The following KCNH5 variants were observed in gnomAD, a reference collection of about 807,000 sequenced individuals.
KCNH5 encodes potassium voltage-gated channel subfamily H member 5.
KCNH5 carries 46 observed loss-of-function variants against 96.1 expected under a neutral mutation model. The ratio of observed to expected loss-of-function variants is 0.48; its 90% CI spans 0.38 to 0.61. KCNH5 has a LOEUF of 0.61. Ranked by LOEUF, KCNH5 falls within the 20% of genes least tolerant of loss-of-function variation. The pLI is 0.00. For synonymous variants in KCNH5, 439 were observed against 449.8 expected (o/e 0.98, Z 0.30); for missense variants, 907 against 1,225.8 (o/e 0.74, Z 3.88).
At position 62,905,085 on chromosome 14, in the gene KCNH5, C is replaced by T. The variant is rs138759311; in HGVS notation, c.1369+45048G>A. Among the ~76,000 whole-genome samples, 75 of 152,310 alleles carry T rather than the reference C, an allele frequency of 4.9e-4. 1 individual carries two copies. Among genetic ancestry groups the T allele is most frequent in the East Asian group, 9.7e-4 (5 of 5,178 alleles). ...GAGACTTTGAAAAGTCACCAAGCCA[C>T]GCTTCAGGTTCTGATGGCATTATAC... On this transcript the variant is annotated intron_variant, in intron 7 of 10. Coordinates refer to ENST00000322893, the MANE Select transcript of KCNH5 (RefSeq NM_139318.5).
chr14:62,890,698 C>CAA (rs1277209731), intron 7 of KCNH5, among the ~76,000 whole-genome samples: 76 of 55,222 alleles, frequency 1.4e-3, no homozygotes, highest in African/African-American at 2.4e-3. Flanking sequence ...GACTCCGTCT[C>CAA]AAAAAAAAAA....
intron 7 of KCNH5, among the ~76,000 whole-genome samples, chr14:62,900,589 A>T (rs1888905053): frequency 6.6e-6 from 1 of 152,180 alleles, no homozygotes; most frequent in Non-Finnish European, 1.5e-5. Flanking sequence ...TGGTAAAGCT[A>T]AGTTACAGTA....
chr14:62,833,702 G>A (rs980190523), intron 8 of KCNH5, among the ~76,000 whole-genome samples: 2 of 151,950 alleles, frequency 1.3e-5, no homozygotes, highest in East Asian at 3.9e-4. Context: ...ATTGATTGAT[G>A]TGGTGTAAAG....
intron 7 of KCNH5, among the ~76,000 whole-genome samples, chr14:62,928,807 T>C (rs949556127): frequency 6.6e-6 from 1 of 152,062 alleles, no homozygotes; most frequent in Non-Finnish European, 1.5e-5. Flanking sequence ...ATTCTCAGTC[T>C]TTTTGCTGGT....
At chr14:62,889,637 A>G (rs1027124656) in intron 7 of KCNH5, among the ~76,000 whole-genome samples, 1 of 152,158 alleles carries the variant, frequency 6.6e-6, no homozygotes, top group Admixed American at 6.5e-5. Flanking sequence ...TCCATAAGAC[A>G]AGCAGCCAGG....
intron 1 of KCNH5, among the ~76,000 whole-genome samples, chr14:63,018,296 G>A (rs1891363657): frequency 6.6e-6 from 1 of 151,856 alleles, no homozygotes; most frequent in Non-Finnish European, 1.5e-5. Context: ...GGAGTCAAAG[G>A]TCACAATTTG....
chr14:62,808,874 G>A (rs1279218339), intron 8 of KCNH5, among the ~76,000 whole-genome samples: 7 of 152,028 alleles, frequency 4.6e-5, no homozygotes, highest in Non-Finnish European at 5.9e-5. Flanking sequence ...CTCTTTAGAA[G>A]GTGGTTTGTA....
intron 10 of KCNH5, among the ~76,000 whole-genome samples, chr14:62,758,261 T>C (rs1885669087): frequency 6.6e-6 from 1 of 152,176 alleles, no homozygotes; most frequent in Non-Finnish European, 1.5e-5. Context: ...AAAGTATGAT[T>C]GGATTGCTTA....
chr14:62,708,293 C>G lies in KCNH5; in HGVS notation c.2182G>C (p.Asp728His). Reference protein sequence around the residue: ...ELRNQGSTQGDPERNQLQVES... With the variant: ...ELRNQGSTQGHPERNQLQVES... The stretch of plus-strand genomic sequence containing the variant: ...ACCTGGAGTTGGTTCCTCTCAGGGT[C>G]ACCCTGTGTTGAGCCCTGATTCCGC... Residue 728 changes from aspartate (D) to histidine (H), a missense_variant, in exon 11 of 11, where the codon GAC becomes CAC. Asp to His is a moderately conservative substitution (Grantham distance 81, BLOSUM62 -1). Coordinates refer to ENST00000322893, the MANE Select transcript of KCNH5 (RefSeq NM_139318.5). 6.2e-7 allele frequency: 1 copy of G among 1,614,160 alleles called. No homozygotes were observed. Among genetic ancestry groups the G allele is most frequent in the Non-Finnish European group, 8.5e-7 (1 of 1,180,036 alleles).
chr14:62,880,104 G>T (rs138364733), intron 7 of KCNH5, among the ~76,000 whole-genome samples: 111 of 152,224 alleles, frequency 7.3e-4, no homozygotes, highest in African/African-American at 2.6e-3. Context: ...ACTATATGTG[G>T]GAGACACTAA....
chr14:63,034,223 T>C (rs1210902096), intron 1 of KCNH5, among the ~76,000 whole-genome samples: 1 of 152,206 alleles, frequency 6.6e-6, no homozygotes, highest in Non-Finnish European at 1.5e-5. Flanking sequence ...CAGCCTGTAT[T>C]ATTTTTTAAA....
chr14:62,914,980 T>C (rs905968791), intron 7 of KCNH5, among the ~76,000 whole-genome samples: 1 of 152,242 alleles, frequency 6.6e-6, no homozygotes, highest in Non-Finnish European at 1.5e-5. Context: ...TTTGTTTTAG[T>C]CACCTTGTAT....
intron 4 of KCNH5, among the ~76,000 whole-genome samples, chr14:62,987,614 C>T (rs1281435476): frequency 2.6e-5 from 4 of 152,160 alleles, no homozygotes; most frequent in Non-Finnish European, 4.4e-5. Context: ...CACTTCCATG[C>T]CGTGATTTAA....
chr14:62,821,291 T>C (rs1336227373), intron 8 of KCNH5, among the ~76,000 whole-genome samples: 1 of 152,134 alleles, frequency 6.6e-6, no homozygotes, highest in Non-Finnish European at 1.5e-5. Context: ...TAACTTTGTA[T>C]CAATGCTATT....
chr14:62,746,298 C>T (rs1056034368), intron 10 of KCNH5, among the ~76,000 whole-genome samples: 6 of 152,088 alleles, frequency 3.9e-5, no homozygotes, highest in African/African-American at 1.4e-4. Context: ...CACCAACCTG[C>T]CAAATATATT....
At chr14:62,898,827 T>C (rs1888866888) in intron 7 of KCNH5, among the ~76,000 whole-genome samples, 1 of 152,168 alleles carries the variant, frequency 6.6e-6, no homozygotes, top group African/African-American at 2.4e-5. Context: ...AGAAATTATA[T>C]GCAGAATAGT....
chr14:62,783,143 C>T (rs112428316), intron 9 of KCNH5, among the ~76,000 whole-genome samples: 4 of 152,102 alleles, frequency 2.6e-5, no homozygotes, highest in African/African-American at 9.7e-5. Context: ...AGCAGGATAT[C>T]AAACTATACA....
chr14:62,714,909 C>T (rs756760500), intron 10 of KCNH5, among the ~76,000 whole-genome samples: 3 of 152,124 alleles, frequency 2.0e-5, no homozygotes, highest in Non-Finnish European at 4.4e-5. Flanking sequence ...AATTTAAAAA[C>T]CAGAAATCAG....
chr14:62,976,149 C>T (rs1314208968), intron 6 of KCNH5, among the ~76,000 whole-genome samples: 2 of 151,156 alleles, frequency 1.3e-5, no homozygotes, highest in African/African-American at 4.9e-5. Flanking sequence ...GCCTGTAATC[C>T]CAGCACTTTG....
Sources: allele counts gnomAD v4.1 joint callset (sites outside exome capture counted in the v4.1 genomes callset), GRCh38; gene constraint gnomAD v4.1.1; transcripts MANE v1.5; gene names NCBI Gene and HGNC (gene_info 2026-07-23, HGNC 2026-07-21).